Variants in GUCY1A2 observed in about 807,000 individuals in gnomAD.
GUCY1A2 encodes guanylate cyclase soluble subunit alpha-2.
Under a neutral mutation model 63.5 loss-of-function variants are expected in GUCY1A2, and 27 were observed. That is an observed-to-expected ratio of 0.43 (90% CI 0.31 to 0.59). The LOEUF (loss-of-function observed/expected upper bound fraction) is 0.59. Ranked by LOEUF, GUCY1A2 falls within the 20% of genes least tolerant of loss-of-function variation. The pLI, the probability that GUCY1A2 is intolerant of heterozygous loss-of-function variation, is 0.11. For missense variants in GUCY1A2, 768 were observed against 913.3 expected (o/e 0.84, Z 2.05); for synonymous variants, 364 against 343.5 (o/e 1.06, Z -0.66).
chr11:106,710,382 T>C (rs1247007615), intron 6 of GUCY1A2, among the ~76,000 whole-genome samples: 2 of 126,782 alleles, frequency 1.6e-5, no homozygotes, highest in Non-Finnish European at 3.2e-5. Context: ...TAGTTATATA[T>C]ATAATATATA....
At position 106,787,119 on chromosome 11, in the gene GUCY1A2, A is replaced by T. The variant is rs139895042; in HGVS notation, c.1693-10537T>A. 1.3e-4 allele frequency among the ~76,000 whole-genome samples: 20 copies of T among 150,638 alleles called. No individual in the cohort carries two copies. The East Asian group carries it at 3.9e-3, about 29-fold the overall frequency. On this transcript the variant is annotated intron_variant, in intron 5 of 7. Transcript: ENST00000526355. Reference sequence around the variant, plus strand: ...TTGTGTGGTGGTTTCTTTTTTATTAATTTTTTATTTTTAATTGTGGGTACA... The same window carrying T: ...TTGTGTGGTGGTTTCTTTTTTATTATTTTTTTATTTTTAATTGTGGGTACA...
chr11:106,776,768 C>T (rs1485205720), intron 5 of GUCY1A2, among the ~76,000 whole-genome samples, 186 bp from the exon 6 acceptor site: 1 of 152,212 alleles, frequency 6.6e-6, no homozygotes, highest in African/African-American at 2.4e-5. Context: ...ACTGACATCT[C>T]ACTCCAGGGT....
intron 4 of GUCY1A2, among the ~76,000 whole-genome samples, chr11:106,876,773 G>T (rs1859755211): frequency 6.6e-6 from 1 of 151,822 alleles, no homozygotes; most frequent in African/African-American, 2.4e-5. Flanking sequence ...TTATTATTCG[G>T]CTATACACTC....
chr11:106,886,374 G>A (rs1045916798), intron 4 of GUCY1A2, among the ~76,000 whole-genome samples: 1 of 152,064 alleles, frequency 6.6e-6, no homozygotes, highest in African/African-American at 2.4e-5. Flanking sequence ...ATGATAAAAG[G>A]TGTCTAGATA....
chr11:106,998,496 C>T (rs927551848), intron 1 of GUCY1A2, among the ~76,000 whole-genome samples: 4 of 152,210 alleles, frequency 2.6e-5, no homozygotes, highest in South Asian at 2.1e-4. Context: ...TATATTCACA[C>T]CGGAATTTTA....
At chr11:106,948,847 A>C (rs778850172) in intron 3 of GUCY1A2, among the ~76,000 whole-genome samples, 3 of 152,174 alleles carry the variant, frequency 2.0e-5, no homozygotes, top group Non-Finnish European at 4.4e-5. Flanking sequence ...AAAACAATAA[A>C]ATTAAATCCC....
intron 4 of GUCY1A2, among the ~76,000 whole-genome samples, chr11:106,863,447 G>A (rs1308183460): frequency 6.6e-6 from 1 of 152,154 alleles, no homozygotes. Flanking sequence ...TCAGATGGTT[G>A]TAGATGTGTG....
chr11:107,014,331 C>T (rs1591364674), intron 1 of GUCY1A2, among the ~76,000 whole-genome samples: 1 of 152,062 alleles, frequency 6.6e-6, no homozygotes, highest in African/African-American at 2.4e-5. Flanking sequence ...TAGTGATCTG[C>T]CTGCCTCGGC....
Position 106,680,401 on chromosome 11 carries a change from CA to C in GUCY1A2, c.*7147del. Reference sequence around the variant, plus strand: ...AAGACTGAATATAAAGTGATTTCTTCAGTTTAAAAATATGTATCAAAAGAAT... The same window carrying C: ...AAGACTGAATATAAAGTGATTTCTTCGTTTAAAAATATGTATCAAAAGAAT... On this transcript the variant is annotated 3_prime_UTR_variant, in exon 8 of 8. Coordinates refer to ENST00000526355, the MANE Select transcript of GUCY1A2 (RefSeq NM_000855.3). 1 of 208,176 alleles carries C rather than the reference CA, an allele frequency of 4.8e-6. No homozygotes were observed. Among genetic ancestry groups the C allele is most frequent in the Admixed American group, 5.9e-5 (1 of 16,918 alleles). The allele number at this position is 208,176 out of a possible 1,614,324, so 12.9% of individuals were successfully genotyped here. A position where few individuals can be genotyped will look rare whatever the true frequency, so the allele number is the denominator to read the frequency against.
intron 4 of GUCY1A2, among the ~76,000 whole-genome samples, chr11:106,815,721 G>C (rs903776497): frequency 4.6e-5 from 7 of 151,834 alleles, no homozygotes; most frequent in African/African-American, 1.7e-4. Context: ...CTGATACTTT[G>C]ATCGTCATGA....
intron 4 of GUCY1A2, among the ~76,000 whole-genome samples, chr11:106,842,041 G>A (rs1565307015): frequency 2.0e-5 from 3 of 151,828 alleles, no homozygotes; most frequent in African/African-American, 4.8e-5. Context: ...TTGGCCAATG[G>A]TAAACGATGG....
chr11:106,770,395 G>A (rs915461698), intron 6 of GUCY1A2, among the ~76,000 whole-genome samples: 3 of 152,086 alleles, frequency 2.0e-5, no homozygotes, highest in African/African-American at 7.2e-5. Flanking sequence ...CCCACAGTTG[G>A]CTGAATCGGA....
chr11:106,700,671 G>C (rs1053471487), intron 7 of GUCY1A2, among the ~76,000 whole-genome samples: 1 of 152,210 alleles, frequency 6.6e-6, no homozygotes, highest in Non-Finnish European at 1.5e-5. Context: ...CTGTTTTGGT[G>C]CTTCCATAGA....
chr11:106,821,416 C>A (rs1194678138), intron 4 of GUCY1A2, among the ~76,000 whole-genome samples: 12 of 152,148 alleles, frequency 7.9e-5, no homozygotes, highest in Non-Finnish European at 1.0e-4. Flanking sequence ...ATTAAAGGCA[C>A]AGAACTAAAA....
intron 1 of GUCY1A2, among the ~76,000 whole-genome samples, chr11:107,000,645 A>G (rs1861601838): frequency 6.6e-6 from 1 of 152,196 alleles, no homozygotes; most frequent in Non-Finnish European, 1.5e-5. Flanking sequence ...TCAATAGTAG[A>G]TTGGTAGATA....
At chr11:106,990,846 C>T (rs186486857) in intron 1 of GUCY1A2, among the ~76,000 whole-genome samples, 1 of 152,178 alleles carries the variant, frequency 6.6e-6, no homozygotes. Flanking sequence ...TTGATACACA[C>T]AGCACTTCAT....
chr11:106,799,028 C>A (rs1018248288), intron 5 of GUCY1A2, among the ~76,000 whole-genome samples: 4 of 152,078 alleles, frequency 2.6e-5, no homozygotes, highest in Non-Finnish European at 5.9e-5. Flanking sequence ...TGTCTCAGCC[C>A]CAAATCTCCT....
intron 1 of GUCY1A2, among the ~76,000 whole-genome samples, chr11:106,988,222 T>C (rs1206651592): frequency 6.6e-6 from 1 of 152,208 alleles, no homozygotes; most frequent in African/African-American, 2.4e-5. Context: ...ACCTAGTCCA[T>C]GACCAATCTA....
At chr11:106,727,839 T>C (rs138195449) in intron 6 of GUCY1A2, among the ~76,000 whole-genome samples, 33 of 152,290 alleles carry the variant, frequency 2.2e-4, no homozygotes, top group Non-Finnish European at 3.7e-4. Flanking sequence ...CCAATCACAC[T>C]AATCTAATTT....
Sources: allele counts gnomAD v4.1 joint callset (sites outside exome capture counted in the v4.1 genomes callset), GRCh38; gene constraint gnomAD v4.1.1; transcripts MANE v1.5; gene names NCBI Gene and HGNC (gene_info 2026-07-23, HGNC 2026-07-21).